The following ZDHHC14 variants were observed in gnomAD, a reference collection of about 807,000 sequenced individuals.
ZDHHC14 encodes the protein palmitoyltransferase ZDHHC14.
ZDHHC14 carries 16 observed loss-of-function variants against 47.7 expected under a neutral mutation model. The ratio of observed to expected loss-of-function variants is 0.34; its 90% CI spans 0.23 to 0.51. ZDHHC14 has a LOEUF of 0.51. ZDHHC14 is among the 20% of genes least tolerant of loss of function. ZDHHC14 has a pLI of 0.97. For synonymous variants in ZDHHC14, 293 were observed against 278.9 expected, an observed-to-expected ratio of 1.05 and a Z score of -0.50; for missense variants, 515 against 662.5, an observed-to-expected ratio of 0.78 and a Z score of 2.44.
At chr6:157,544,063 A>G (rs1260593697) in intron 2 of ZDHHC14, among the ~76,000 whole-genome samples, 1 of 152,252 alleles carries the variant, frequency 6.6e-6, no homozygotes, top group African/African-American at 2.4e-5. Flanking sequence ...AAATGGGTGA[A>G]AGTGGCAGAA....
intron 1 of ZDHHC14, among the ~76,000 whole-genome samples, chr6:157,539,841 G>A (rs9457726): frequency 0.41 from 61,444 of 151,490 alleles, 12,498 homozygotes; most frequent in Admixed American, 0.46. Context: ...AGAAGTTACC[G>A]TTATTCACTG....
chr6:157,403,630 G>A (rs1375606942), intron 1 of ZDHHC14, among the ~76,000 whole-genome samples: 1 of 152,212 alleles, frequency 6.6e-6, no homozygotes, highest in Non-Finnish European at 1.5e-5. Context: ...CACATTCCCA[G>A]TTTCAAACAA....
At chr6:157,464,209 T>G (rs1169589648) in intron 1 of ZDHHC14, among the ~76,000 whole-genome samples, 4 of 152,180 alleles carry the variant, frequency 2.6e-5, no homozygotes, top group African/African-American at 9.7e-5. Context: ...TTCTAGAGGT[T>G]GGATGGAATT....
rs1274579627 is a variant in ZDHHC14, at chr6:157,522,981, T to TTTTTC, written c.246-19579_246-19575dup. On this transcript the variant is annotated intron_variant, in intron 1 of 8. Coordinates refer to ENST00000359775, the MANE Select transcript of ZDHHC14 (RefSeq NM_024630.3). The stretch of plus-strand genomic sequence containing the variant: ...TCCTTCTTTCTTTTCTTTTCTTTTC[T>TTTTTC]TTTTCTTTTCTTTTCTTTTCTTTTC... Among the ~76,000 whole-genome samples, 58 of 29,802 alleles carry TTTTTC rather than the reference T, an allele frequency of 1.9e-3. 1 individual carries two copies. The highest frequency in any genetic ancestry group is 3.1e-3 in the Non-Finnish European group (49 of 15,852). The allele number at this position is 29,802 out of a possible 152,430, so 19.6% of individuals were successfully genotyped here.
chr6:157,577,219 A>T (rs1335738643), intron 2 of ZDHHC14, among the ~76,000 whole-genome samples: 1 of 152,202 alleles, frequency 6.6e-6, no homozygotes, highest in Non-Finnish European at 1.5e-5. Flanking sequence ...GCTGCATAGT[A>T]TTCCATGGTG....
intron 3 of ZDHHC14, among the ~76,000 whole-genome samples, chr6:157,614,962 T>G (rs1291204881): frequency 6.6e-6 from 1 of 151,966 alleles, no homozygotes. Context: ...GTAGGTGGGA[T>G]TTCACTATGT....
In ZDHHC14 at chr6:157,580,160, T is replaced by G. The variant is rs547788501; in HGVS notation, c.407-12828T>G. Among the ~76,000 whole-genome samples, 5 of 152,334 alleles carry G rather than the reference T, an allele frequency of 3.3e-5. No individual in the cohort carries two copies. In the East Asian group the frequency reaches 9.6e-4, roughly 29 times the overall value. On this transcript the variant is annotated intron_variant, in intron 2 of 8. Coordinates refer to ENST00000359775, the MANE Select transcript of ZDHHC14 (RefSeq NM_024630.3). The stretch of plus-strand genomic sequence containing the variant: ...ACCTATTGAGATAATTATGTGGTTT[T>G]GGGAAATTTTTTAGTTCTGTTTATG...
At chr6:157,466,073 G>T (rs1014518886) in intron 1 of ZDHHC14, among the ~76,000 whole-genome samples, 6 of 152,046 alleles carry the variant, frequency 3.9e-5, no homozygotes, top group African/African-American at 9.7e-5. Flanking sequence ...AGAGATATGG[G>T]AAGATAGGCA....
intron 1 of ZDHHC14, among the ~76,000 whole-genome samples, chr6:157,429,714 C>T (rs946189192): frequency 1.3e-5 from 2 of 152,044 alleles, no homozygotes; most frequent in African/African-American, 4.8e-5. Context: ...ATAAAGCAGG[C>T]CTGGAAATCA....
At chr6:157,536,582 C>A (rs186792492) in intron 1 of ZDHHC14, among the ~76,000 whole-genome samples, 2 of 152,198 alleles carry the variant, frequency 1.3e-5, no homozygotes, top group African/African-American at 4.8e-5. Flanking sequence ...ACCTAATTAC[C>A]CAATAATGAA....
chr6:157,433,350 TA>T (rs916644873), intron 1 of ZDHHC14, among the ~76,000 whole-genome samples: 1 of 152,048 alleles, frequency 6.6e-6, no homozygotes. Flanking sequence ...GTAGTTTAAA[TA>T]AAAAAAATTG....
chr6:157,462,299 A>G (rs527899835), intron 1 of ZDHHC14, among the ~76,000 whole-genome samples: 1 of 152,274 alleles, frequency 6.6e-6, no homozygotes, highest in East Asian at 1.9e-4. Flanking sequence ...CTTTTCCAGT[A>G]TATTTTCTAG....
chr6:157,639,727 GT>G lies in ZDHHC14; in HGVS notation c.753-6009del, dbSNP rs537826831. ...AGGGAGAAGCAGGGCAGTGGGATCC[GT>G]GCCTGGGGAGGGGTGAGGGCGGAGG... On this transcript the variant is annotated intron_variant, in intron 5 of 8. Coordinates refer to ENST00000359775, the MANE Select transcript of ZDHHC14 (RefSeq NM_024630.3). Among the ~76,000 whole-genome samples, 54 of 152,304 alleles carry G rather than the reference GT, an allele frequency of 3.5e-4. 1 individual carries two copies. The East Asian group carries it at 7.9e-3, about 22-fold the overall frequency.
At chr6:157,573,150 TC>T (rs36086609) in intron 2 of ZDHHC14, among the ~76,000 whole-genome samples, 28,750 of 151,970 alleles carry the variant, frequency 0.19, 3,440 homozygotes, top group East Asian at 0.5. Flanking sequence ...GCACTCGCCA[TC>T]CCCCTTTCTT....
chr6:157,597,245 C>T (rs1200229806), intron 3 of ZDHHC14, among the ~76,000 whole-genome samples: 1 of 152,158 alleles, frequency 6.6e-6, no homozygotes, highest in Non-Finnish European at 1.5e-5. Flanking sequence ...GCGAGAGAAA[C>T]TGAAGGAGCT....
intron 1 of ZDHHC14, among the ~76,000 whole-genome samples, chr6:157,462,793 C>T (rs1450226190): frequency 6.6e-6 from 1 of 152,252 alleles, no homozygotes; most frequent in African/African-American, 2.4e-5. Context: ...CCCTGGAGGG[C>T]CTGGCGGGGG....
intron 1 of ZDHHC14, among the ~76,000 whole-genome samples, chr6:157,521,818 T>G (rs1355261898): frequency 6.6e-6 from 1 of 152,194 alleles, no homozygotes; most frequent in Non-Finnish European, 1.5e-5. Context: ...AATCTCTGGT[T>G]GGGCCATGGC....
At chr6:157,399,325 C>T (rs1272878240) in intron 1 of ZDHHC14, among the ~76,000 whole-genome samples, 2 of 150,252 alleles carry the variant, frequency 1.3e-5, no homozygotes, top group East Asian at 2.0e-4. Context: ...TGGGTAGATC[C>T]GGGTGCCATT....
chr6:157,650,073 G>A (rs562281982), intron 7 of ZDHHC14, among the ~76,000 whole-genome samples: 3 of 150,920 alleles, frequency 2.0e-5, no homozygotes, highest in African/African-American at 7.3e-5. Context: ...CGCTGTGGGT[G>A]CACGGGAGAG....
Sources: gnomAD v4.1 joint callset for allele counts (sites outside exome capture counted in the v4.1 genomes callset) on GRCh38, gnomAD v4.1.1 for gene constraint, MANE v1.5 for transcripts, NCBI Gene and HGNC (gene_info 2026-07-23, HGNC 2026-07-21) for gene names.